Variants in NALF1 observed in about 807,000 individuals in gnomAD.
The protein encoded by NALF1 is family with sequence similarity 155 member A.
A neutral mutation model predicts 48.4 loss-of-function variants in NALF1; 3 were observed. That is an observed-to-expected ratio of 0.06 (90% CI 0.03 to 0.16). The LOEUF is 0.16. NALF1 is among the 10% of genes least tolerant of loss of function. NALF1 has a pLI of 1.00. For missense variants in NALF1, 526 were observed against 571.5 expected (o/e 0.92, Z 0.81); for synonymous variants, 262 against 245.7 (o/e 1.07, Z -0.62).
intron 2 of NALF1, among the ~76,000 whole-genome samples, chr13:107,185,990 TA>T (rs1436976207): frequency 6.6e-6 from 1 of 152,210 alleles, no homozygotes; most frequent in Non-Finnish European, 1.5e-5. Context: ...CCATGAATTC[TA>T]AATTACATGC....
At chr13:107,312,632 G>T (rs1232250677) in intron 1 of NALF1, among the ~76,000 whole-genome samples, 2 of 152,116 alleles carry the variant, frequency 1.3e-5, no homozygotes, top group African/African-American at 4.8e-5. Context: ...CTTAGAAATT[G>T]TAGCAATAAC....
intron 1 of NALF1, among the ~76,000 whole-genome samples, chr13:107,534,537 T>G (rs955227480): frequency 6.6e-6 from 1 of 152,160 alleles, no homozygotes; most frequent in Admixed American, 6.6e-5. Context: ...GGTAAATGTG[T>G]GACACAGTGG....
At chr13:107,465,426 T>C (rs1884986391) in intron 1 of NALF1, among the ~76,000 whole-genome samples, 1 of 152,186 alleles carries the variant, frequency 6.6e-6, no homozygotes, top group Non-Finnish European at 1.5e-5. Context: ...CTAATTTAAG[T>C]ACTTGTTTTA....
At chr13:107,179,996 A>G (rs1373169779) in intron 2 of NALF1, among the ~76,000 whole-genome samples, 1 of 130,266 alleles carries the variant, frequency 7.7e-6, no homozygotes, top group Non-Finnish European at 1.6e-5. Context: ...ATGTACAAAG[A>G]CTCTATTTTC....
At chr13:107,193,748 A>C (rs1879329028) in intron 2 of NALF1, among the ~76,000 whole-genome samples, 1 of 152,206 alleles carries the variant, frequency 6.6e-6, no homozygotes, top group Admixed American at 6.5e-5. Flanking sequence ...CGTGTCTATG[A>C]AAATTAATGG....
chr13:107,172,688 T>C (rs1011533024), intron 2 of NALF1, among the ~76,000 whole-genome samples: 13 of 152,196 alleles, frequency 8.5e-5, no homozygotes, highest in Non-Finnish European at 1.8e-4. Context: ...TAATCATTTA[T>C]TGAAATATAC....
rs548825561 is a variant in NALF1 at position 107,174,557 on chromosome 13, A to C, written c.1088-3771T>G. 9.9e-5 allele frequency among the ~76,000 whole-genome samples: 15 copies of C among 151,720 alleles called. 1 individual carries two copies. The highest frequency in any genetic ancestry group is 2.1e-4 in the Non-Finnish European group (14 of 67,946). On this transcript the variant is annotated intron_variant, in intron 2 of 2. Transcript: ENST00000375915. ...TTTTTAGTAGAGACAGGGTTTCACC[A>C]TGTTGGCCAGGATGGTCTTGATCTC...
intron 1 of NALF1, among the ~76,000 whole-genome samples, chr13:107,771,489 C>CAATAT (rs10649419): frequency 0.37 from 54,317 of 147,208 alleles, 11,054 homozygotes; most frequent in East Asian, 0.76. Context: ...ATATATGATA[C>CAATAT]AATATATAAA....
At chr13:107,218,827 G>A (rs948063965) in intron 1 of NALF1, among the ~76,000 whole-genome samples, 1 of 152,092 alleles carries the variant, frequency 6.6e-6, no homozygotes, top group Non-Finnish European at 1.5e-5. Context: ...GAGCTTCAGA[G>A]GGCAAAGTAT....
chr13:107,762,694 G>A (rs1877302257), intron 1 of NALF1, among the ~76,000 whole-genome samples: 2 of 152,158 alleles, frequency 1.3e-5, no homozygotes, highest in South Asian at 4.1e-4. Context: ...CAGAGTCGTT[G>A]TTCAGTGGGT....
At chr13:107,441,319 T>C (rs181582950) in intron 1 of NALF1, among the ~76,000 whole-genome samples, 2 of 152,336 alleles carry the variant, frequency 1.3e-5, no homozygotes, top group African/African-American at 4.8e-5. Flanking sequence ...TGTTCATTTC[T>C]ATGACTAGAC....
At chr13:107,320,464 T>C (rs1882232856) in intron 1 of NALF1, among the ~76,000 whole-genome samples, 2 of 152,134 alleles carry the variant, frequency 1.3e-5, no homozygotes, top group African/African-American at 4.8e-5. Context: ...ATTTTCTTAC[T>C]TCCTCACATC....
intron 1 of NALF1, among the ~76,000 whole-genome samples, chr13:107,236,435 G>A (rs1383463987): frequency 6.6e-6 from 1 of 152,068 alleles, no homozygotes; most frequent in Admixed American, 6.6e-5. Context: ...TAAAAAATAG[G>A]AGCATGGTTT....
rs955270434 is a variant in NALF1, at chr13:107,164,265, G to T, written c.*6232C>A. ...CCTACCTAAATAGATACAAATCAAT[G>T]AAATAATTTACTCAAGAGCCCTGCT... On this transcript the variant is annotated 3_prime_UTR_variant, in exon 3 of 3. Transcript: ENST00000375915. 1 of 152,112 alleles carries T rather than the reference G, an allele frequency of 6.6e-6. No homozygotes were observed. The highest frequency in any genetic ancestry group is 2.4e-5 in the African/African-American group (1 of 41,414). The allele number at this position is 152,112 out of a possible 1,614,324, so 9.4% of individuals were successfully genotyped here.
intron 1 of NALF1, among the ~76,000 whole-genome samples, chr13:107,241,418 T>C (rs1880468949): frequency 6.6e-6 from 1 of 152,168 alleles, no homozygotes; most frequent in Non-Finnish European, 1.5e-5. Context: ...AGGAAGCTGC[T>C]AATAATTCTC....
At chr13:107,308,694 T>G (rs934564053) in intron 1 of NALF1, among the ~76,000 whole-genome samples, 3 of 152,348 alleles carry the variant, frequency 2.0e-5, no homozygotes, top group East Asian at 1.9e-4. Context: ...AAGTGCTCAG[T>G]GATTGAAAAT....
At chr13:107,343,043 T>A (rs1882710558) in intron 1 of NALF1, among the ~76,000 whole-genome samples, 1 of 152,166 alleles carries the variant, frequency 6.6e-6, no homozygotes, top group Non-Finnish European at 1.5e-5. Flanking sequence ...CAGACATGTA[T>A]AAAACACTCT....
At position 107,170,573 on chromosome 13, in the gene NALF1, G is replaced by A; in HGVS notation, c.1301C>T (p.Ser434Leu). The A allele has an allele frequency of 6.2e-7, 1 of 1,614,110 alleles. No individual in the cohort carries two copies. The highest frequency in any genetic ancestry group is 8.5e-7 in the Non-Finnish European group (1 of 1,180,024). ...LILLHTVLTASAAQNTAGLSF... is the reference protein window; with the variant it reads ...LILLHTVLTALAAQNTAGLSF... ...CAGTCCGGCTGTGTTCTGTGCTGCC[G>A]AGGCTGTGAGCACTGTGTGTAAGAG... Residue 434 changes from serine (S) to leucine (L), a missense_variant, in exon 3 of 3, where the codon TCG becomes TTG. Ser to Leu is a moderately radical substitution (Grantham distance 145, BLOSUM62 -2). Around this residue, in one of 2 missense-constraint regions of NALF1, gnomAD observed 153 missense variants for 215.9 expected, o/e 0.71. Transcript: ENST00000375915.
At chr13:107,381,622 A>T (rs1467204183) in intron 1 of NALF1, among the ~76,000 whole-genome samples, 2 of 151,780 alleles carry the variant, frequency 1.3e-5, no homozygotes, top group African/African-American at 4.8e-5. Context: ...AGGGCTGGGA[A>T]TGATAGACGT....
Sources: gnomAD v4.1 joint callset for allele counts (sites outside exome capture counted in the v4.1 genomes callset) on GRCh38, gnomAD v4.1.1 for gene constraint, gnomAD v4.1.1 regional missense constraint, MANE v1.5 for transcripts, NCBI Gene and HGNC (gene_info 2026-07-23, HGNC 2026-07-21) for gene names.